MEF2A: variants seen among roughly 807,000 people sequenced by gnomAD.
MEF2A encodes the protein myocyte-specific enhancer factor 2A.
A neutral mutation model predicts 55.8 loss-of-function variants in MEF2A; 28 were observed. The observed-to-expected ratio is 0.50, with a 90% CI of 0.37 to 0.69. MEF2A has a LOEUF of 0.69. Among genes scored for constraint, MEF2A ranks in the 30% least tolerant of loss-of-function variants. The pLI is 0.00. For synonymous variants in MEF2A, 239 were observed against 227.1 expected, an observed-to-expected ratio of 1.05 and a Z score of -0.47; for missense variants, 528 against 626.2, an observed-to-expected ratio of 0.84 and a Z score of 1.67.
intron 1 of MEF2A, among the ~76,000 whole-genome samples, chr15:99,580,815 C>T (rs1182642186): frequency 6.6e-6 from 1 of 152,090 alleles, no homozygotes; most frequent in African/African-American, 2.4e-5. Context: ...TAGATGTTAG[C>T]TTTTTGAAAA....
chr15:99,711,480 T>A (rs1447594147), intron 11 of MEF2A, among the ~76,000 whole-genome samples: 1 of 152,170 alleles, frequency 6.6e-6, no homozygotes, highest in African/African-American at 2.4e-5. Context: ...AACAGGGCTT[T>A]TGTGGAACCA....
At chr15:99,613,509 A>T (rs1374646521) in intron 2 of MEF2A, among the ~76,000 whole-genome samples, 1 of 152,152 alleles carries the variant, frequency 6.6e-6, no homozygotes, top group East Asian at 1.9e-4. Flanking sequence ...TGATTCCTCT[A>T]AGTCTTTAAT....
chr15:99,596,827 C>T (rs1019430683), intron 1 of MEF2A, among the ~76,000 whole-genome samples: 1 of 152,310 alleles, frequency 6.6e-6, no homozygotes, highest in East Asian at 1.9e-4. Flanking sequence ...GCAGTGTTCA[C>T]TAGTTGTTGC....
chr15:99,597,506 TGTGGTCC>T (rs1971612600), intron 1 of MEF2A, among the ~76,000 whole-genome samples: 1 of 94,566 alleles, frequency 1.1e-5, no homozygotes, highest in African/African-American at 2.9e-5. Context: ...ACCTCGGTCC[TGTGGTCC>T]TGTGGTCCTG....
At chr15:99,581,619 C>T (rs527655449) in intron 1 of MEF2A, among the ~76,000 whole-genome samples, 4 of 152,152 alleles carry the variant, frequency 2.6e-5, no homozygotes, top group South Asian at 4.1e-4. Context: ...GGACTCTGTC[C>T]CTTATCTGTT....
chr15:99,649,115 T>G (rs2046437889), intron 4 of MEF2A, among the ~76,000 whole-genome samples: 1 of 152,200 alleles, frequency 6.6e-6, no homozygotes, highest in Admixed American at 6.5e-5. Context: ...TGGTTAGAGT[T>G]GATAAAATTT....
intron 1 of MEF2A, among the ~76,000 whole-genome samples, chr15:99,577,404 T>TGCGGAATACCAGTGA (rs148702516): frequency 0.64 from 97,735 of 152,036 alleles, 34,974 homozygotes; most frequent in Middle Eastern, 0.86. Flanking sequence ...GGCTAGGTGC[T>TGCGGAATACCAGTGA]GCAAGGCTTG....
chr15:99,569,993 A>G (rs1961448556), intron 1 of MEF2A, among the ~76,000 whole-genome samples: 1 of 151,804 alleles, frequency 6.6e-6, no homozygotes, highest in Non-Finnish European at 1.5e-5. Context: ...TTTAATAAGT[A>G]CTAAATTTTT....
intron 3 of MEF2A, among the ~76,000 whole-genome samples, chr15:99,636,724 CTTTT>C (rs2043917888): frequency 6.6e-6 from 1 of 151,984 alleles, no homozygotes; most frequent in South Asian, 2.1e-4. Flanking sequence ...TGAGTAGTGC[CTTTT>C]GTGTCACGTT....
chr15:99,645,752 G>C lies in MEF2A; in HGVS notation c.246G>C (p.Ser82=), dbSNP rs749445338. The change falls in exon 4 of 12, where the codon TCG becomes TCC. Residue 82 remains serine, a synonymous_variant. Transcript: ENST00000557942. ...AACCTCATGAAAGCAGAACCAACTC[G>C]GATATTGTTGAGGTAACACATATCT... ...YNEPHESRTN[S]DIVETLRKKG... 1.2e-5 allele frequency: 19 copies of C among 1,599,518 alleles called. No individual in the cohort carries two copies. The highest frequency in any genetic ancestry group is 1.6e-5 in the Non-Finnish European group (19 of 1,170,944).
At chr15:99,683,646 T>C (rs1468447324) in intron 7 of MEF2A, among the ~76,000 whole-genome samples, 1 of 150,406 alleles carries the variant, frequency 6.6e-6, no homozygotes, top group East Asian at 1.9e-4. Flanking sequence ...TCAGGTGATC[T>C]ACCCATCTCG....
At chr15:99,641,605 C>T (rs2044959784) in intron 3 of MEF2A, among the ~76,000 whole-genome samples, 1 of 152,124 alleles carries the variant, frequency 6.6e-6, no homozygotes, top group African/African-American at 2.4e-5. Flanking sequence ...TGCCTGTAGT[C>T]CCAGCTACTC....
At chr15:99,599,767 T>C (rs1972371667) in intron 2 of MEF2A, among the ~76,000 whole-genome samples, 5 of 152,256 alleles carry the variant, frequency 3.3e-5, no homozygotes, top group Admixed American at 2.6e-4. Context: ...ATCTTTTTCT[T>C]TTCTCATCAT....
intron 10 of MEF2A, among the ~76,000 whole-genome samples, chr15:99,709,358 G>A (rs996523018): frequency 6.6e-6 from 1 of 152,242 alleles, no homozygotes; most frequent in African/African-American, 2.4e-5. Context: ...GAAAGGATGG[G>A]CCATGTCAGA....
chr15:99,670,825 G>A (rs371325099), intron 4 of MEF2A, among the ~76,000 whole-genome samples: 1 of 152,208 alleles, frequency 6.6e-6, no homozygotes, highest in African/African-American at 2.4e-5. Flanking sequence ...TGAATAATAG[G>A]AATGAAATTA....
At chr15:99,595,173 A>G (rs1303330362) in intron 1 of MEF2A, among the ~76,000 whole-genome samples, 3 of 152,184 alleles carry the variant, frequency 2.0e-5, no homozygotes, top group Admixed American at 1.3e-4. Context: ...GAGAATAGTA[A>G]TGGGGTAATA....
chr15:99,703,422 G>A, intron 9 of MEF2A, 37 bp downstream of exon 9: 1 of 1,582,256 alleles, frequency 6.3e-7, no homozygotes, highest in Non-Finnish European at 8.6e-7. Context: ...AGTTGAAAAA[G>A]ATGTAGAAAG....
intron 4 of MEF2A, among the ~76,000 whole-genome samples, chr15:99,651,233 G>A (rs2046800535): frequency 6.6e-6 from 1 of 152,150 alleles, no homozygotes; most frequent in African/African-American, 2.4e-5. Context: ...GGATGAGTCG[G>A]AGGTGGAATC....
chr15:99,662,951 C>A (rs1287606601), intron 4 of MEF2A, among the ~76,000 whole-genome samples: 1 of 152,162 alleles, frequency 6.6e-6, no homozygotes, highest in Non-Finnish European at 1.5e-5. Flanking sequence ...TCAGTTAACT[C>A]CTCATGCATT....
Sources: gnomAD v4.1 joint callset for allele counts (sites outside exome capture counted in the v4.1 genomes callset) on GRCh38, gnomAD v4.1.1 for gene constraint, MANE v1.5 for transcripts, NCBI Gene and HGNC (gene_info 2026-07-23, HGNC 2026-07-21) for gene names.